VMP1: variants seen among roughly 807,000 people sequenced by gnomAD.
VMP1 encodes the protein ectopic P-granules autophagy protein 3 homolog.
VMP1 carries 11 observed loss-of-function variants against 56.0 expected under a neutral mutation model. That is an observed-to-expected ratio of 0.20 (90% CI 0.12 to 0.32). The LOEUF (loss-of-function observed/expected upper bound fraction) is 0.32, where lower values mean the gene tolerates loss of function less well. Ranked by LOEUF, VMP1 falls within the 10% of genes least tolerant of loss-of-function variation. VMP1 has a pLI of 1.00. For synonymous variants in VMP1, 149 were observed against 165.0 expected (o/e 0.90, Z 0.74); for missense variants, 296 against 490.3 (o/e 0.60, Z 3.74).
At position 59,829,067 on chromosome 17, in the gene VMP1, G is replaced by C. The variant is rs935453441; in HGVS notation, c.975-9228G>C. On this transcript the variant is annotated intron_variant, in intron 10 of 11. Transcript: ENST00000262291. ...GGAGGTGAAGGTTGCAGTGAGCCGA[G>C]ATTGCGCCACTGCACTCCATCGTGG... 2.6e-5 allele frequency among the ~76,000 whole-genome samples: 4 copies of C among 152,292 alleles called. No homozygotes were observed. The East Asian group carries it at 7.7e-4, about 29-fold the overall frequency.
chr17:59,837,439 T>A (rs1362027240), intron 10 of VMP1, among the ~76,000 whole-genome samples: 1 of 152,168 alleles, frequency 6.6e-6, no homozygotes, highest in Non-Finnish European at 1.5e-5. Flanking sequence ...TGCAAGCATG[T>A]CTAAAACAGG....
chr17:59,828,518 T>C (rs1347909933), intron 10 of VMP1, among the ~76,000 whole-genome samples: 1 of 152,214 alleles, frequency 6.6e-6, no homozygotes, highest in Non-Finnish European at 1.5e-5. Flanking sequence ...ACAAAAGAAG[T>C]TTTAATCATT....
At chr17:59,819,703 C>T (rs771807974) in intron 10 of VMP1, among the ~76,000 whole-genome samples, 3 of 152,188 alleles carry the variant, frequency 2.0e-5, no homozygotes, top group Non-Finnish European at 4.4e-5. Flanking sequence ...CCGCCCATCT[C>T]GGGCTTCCAA....
chr17:59,801,080 GAAA>G (rs571996545), intron 7 of VMP1, among the ~76,000 whole-genome samples: 24 of 66,170 alleles, frequency 3.6e-4, no homozygotes, highest in African/African-American at 1.3e-3. Flanking sequence ...ACTCCATCTC[GAAA>G]AAAAAAAAAT....
chr17:59,718,357 C>T (rs144140807), intron 1 of VMP1, among the ~76,000 whole-genome samples: 1,887 of 150,356 alleles, frequency 0.013, 43 homozygotes, highest in African/African-American at 0.043. Context: ...CCACCACGCC[C>T]GGCTGATTTT....
intron 1 of VMP1, among the ~76,000 whole-genome samples, chr17:59,724,977 CAAAAACA>C (rs1226574532): frequency 1.7e-5 from 2 of 116,690 alleles, no homozygotes; most frequent in Non-Finnish European, 3.5e-5. Flanking sequence ...AAAAAAAAAA[CAAAAACA>C]AAAAACAAAA....
intron 5 of VMP1, among the ~76,000 whole-genome samples, chr17:59,747,697 C>A (rs2035478781): frequency 6.6e-6 from 1 of 151,504 alleles, no homozygotes; most frequent in Admixed American, 6.6e-5. Flanking sequence ...AGACATGAGC[C>A]ACAGTGCCTG....
intron 5 of VMP1, among the ~76,000 whole-genome samples, chr17:59,746,226 A>C (rs755176967): frequency 3.9e-5 from 6 of 152,224 alleles, no homozygotes; most frequent in Non-Finnish European, 8.8e-5. Context: ...GCTGGAGTGC[A>C]GTGCTGTGAT....
intron 7 of VMP1, among the ~76,000 whole-genome samples, chr17:59,792,577 A>C (rs1326163063): frequency 6.6e-6 from 1 of 151,988 alleles, no homozygotes; most frequent in Non-Finnish European, 1.5e-5. Flanking sequence ...AATAATTATC[A>C]GATGAGGCTG....
chr17:59,740,410 T>G (rs1451022305), intron 5 of VMP1, among the ~76,000 whole-genome samples: 6 of 152,214 alleles, frequency 3.9e-5, no homozygotes, highest in Admixed American at 3.9e-4. Context: ...TACCCATTGC[T>G]GAATAAAATT....
chr17:59,802,539 G>A (rs1009962199), intron 7 of VMP1, among the ~76,000 whole-genome samples: 8 of 152,002 alleles, frequency 5.3e-5, no homozygotes, highest in Admixed American at 3.9e-4. Context: ...ATTTATCTTC[G>A]GTAACATTGC....
chr17:59,775,135 G>A (rs1020479675), intron 7 of VMP1, among the ~76,000 whole-genome samples: 6 of 151,964 alleles, frequency 3.9e-5, no homozygotes, highest in African/African-American at 9.7e-5. Context: ...TAGTAGAGAC[G>A]GGGTTTCACC....
intron 5 of VMP1, among the ~76,000 whole-genome samples, chr17:59,748,195 CAA>C (rs36016640): frequency 0.016 from 1,656 of 103,110 alleles, 17 homozygotes; most frequent in African/African-American, 0.064. Context: ...GACTCCGTCT[CAA>C]AAAAAAAAAA....
At chr17:59,784,135 G>A (rs2036922488) in intron 7 of VMP1, among the ~76,000 whole-genome samples, 1 of 146,176 alleles carries the variant, frequency 6.8e-6, no homozygotes, top group African/African-American at 2.6e-5. Flanking sequence ...GTGTGTGTGT[G>A]TGTGTGTGAG....
At chr17:59,725,645 C>A (rs1015593914) in intron 1 of VMP1, among the ~76,000 whole-genome samples, 2 of 150,454 alleles carry the variant, frequency 1.3e-5, no homozygotes, top group East Asian at 3.9e-4. Context: ...ATATTTCCTT[C>A]TTTTGGGAAT....
At chr17:59,809,001 A>AG in intron 8 of VMP1, 125 bp downstream of exon 8, 2 of 753,512 alleles carry the variant, frequency 2.7e-6, no homozygotes, top group African/African-American at 1.8e-5. Flanking sequence ...TGAATCATTC[A>AG]CCTTTTTTTT....
intron 5 of VMP1, among the ~76,000 whole-genome samples, chr17:59,741,836 A>G (rs1360519744): frequency 6.6e-6 from 1 of 152,186 alleles, no homozygotes; most frequent in African/African-American, 2.4e-5. Flanking sequence ...GTGTATGTAG[A>G]GTACATTGGA....
At chr17:59,794,381 G>A (rs2037357406) in intron 7 of VMP1, among the ~76,000 whole-genome samples, 2 of 150,608 alleles carry the variant, frequency 1.3e-5, no homozygotes, top group South Asian at 4.2e-4. Context: ...CACCACGCCT[G>A]GCTAATTTTT....
chr17:59,746,071 A>G (rs2035412305), intron 5 of VMP1, among the ~76,000 whole-genome samples: 1 of 152,242 alleles, frequency 6.6e-6, no homozygotes, highest in Admixed American at 6.5e-5. Flanking sequence ...TAGTCACCTA[A>G]AAGACTTACT....
Sources: gnomAD v4.1 joint callset for allele counts (sites outside exome capture counted in the v4.1 genomes callset) on GRCh38, gnomAD v4.1.1 for gene constraint, MANE v1.5 for transcripts, NCBI Gene and HGNC (gene_info 2026-07-23, HGNC 2026-07-21) for gene names.